Variants in ODAD2 observed in about 807,000 individuals in gnomAD.
The protein encoded by ODAD2 is outer dynein arm-docking complex subunit 2.
A neutral mutation model predicts 106.8 loss-of-function variants in ODAD2; 89 were observed. That is an observed-to-expected ratio of 0.83 (90% CI 0.70 to 0.99). ODAD2 has a LOEUF of 0.99. ODAD2 is among the 50% of genes least tolerant of loss of function. The pLI, the probability that ODAD2 is intolerant of heterozygous loss-of-function variation, is 0.00. For missense variants in ODAD2, 1,168 were observed against 1,238.5 expected, an observed-to-expected ratio of 0.94 and a Z score of 0.85; for synonymous variants, 404 against 436.2, an observed-to-expected ratio of 0.93 and a Z score of 0.92.
At chr10:27,946,139 A>C (rs1426189813) in intron 10 of ODAD2, among the ~76,000 whole-genome samples, 1 of 148,322 alleles carries the variant, frequency 6.7e-6, no homozygotes, top group Non-Finnish European at 1.5e-5. Context: ...TGTATTTTTA[A>C]ATATATAAAA....
rs188843306 is a variant in ODAD2, at chr10:27,892,474, G to A, written c.2610+15189C>T. On this transcript the variant is annotated intron_variant, in intron 17 of 19. Transcript: ENST00000305242. Reference sequence around the variant, plus strand: ...AAAACAGACTCTCATTTCACACTCCGATTTTCCTATCAGATAATGAATGGA... The same window carrying A: ...AAAACAGACTCTCATTTCACACTCCAATTTTCCTATCAGATAATGAATGGA... Among the ~76,000 whole-genome samples the A allele has an allele frequency of 4.4e-3, 664 of 152,154 alleles. 20 individuals carry two copies. Among genetic ancestry groups the A allele is most frequent in the Admixed American group, 0.041 (622 of 15,280 alleles).
chr10:27,868,811 T>C (rs938107303), intron 17 of ODAD2, among the ~76,000 whole-genome samples: 2 of 151,844 alleles, frequency 1.3e-5, no homozygotes, highest in African/African-American at 4.8e-5. Flanking sequence ...CTGCACATTC[T>C]GCACATGTAT....
chr10:27,849,852 G>A (rs142349917), intron 19 of ODAD2, among the ~76,000 whole-genome samples: 33 of 152,250 alleles, frequency 2.2e-4, no homozygotes, highest in East Asian at 1.5e-3. Context: ...TTTTAAAGTC[G>A]CAAAAGCTAC....
intron 9 of ODAD2, among the ~76,000 whole-genome samples, chr10:27,963,747 G>A (rs1246853174): frequency 6.6e-6 from 1 of 151,846 alleles, no homozygotes; most frequent in African/African-American, 2.4e-5. Context: ...CACTCCAATA[G>A]AGGTTATCAT....
intron 19 of ODAD2, among the ~76,000 whole-genome samples, chr10:27,841,006 G>A (rs1838267818): frequency 6.6e-6 from 1 of 152,284 alleles, no homozygotes; most frequent in Non-Finnish European, 1.5e-5. Flanking sequence ...CATAGGCCAC[G>A]GGTGAATGCT....
chr10:27,872,380 T>A (rs1365461491), intron 17 of ODAD2, among the ~76,000 whole-genome samples: 3 of 151,962 alleles, frequency 2.0e-5, no homozygotes, highest in Non-Finnish European at 4.4e-5. Context: ...TGGCCAGAAC[T>A]TCCAACACTA....
At chr10:27,997,338 C>T (rs1408383345) in intron 1 of ODAD2, among the ~76,000 whole-genome samples, 2 of 152,106 alleles carry the variant, frequency 1.3e-5, no homozygotes, top group African/African-American at 2.4e-5. Flanking sequence ...ATAGCTTTAT[C>T]TTATACAGAA....
At chr10:27,865,303 A>C (rs561237364) in intron 17 of ODAD2, among the ~76,000 whole-genome samples, 1 of 152,286 alleles carries the variant, frequency 6.6e-6, no homozygotes, top group Middle Eastern at 3.4e-3. Context: ...AAATATTTGT[A>C]TTTTTAAAAA....
At chr10:27,917,142 A>T (rs1041163967) in intron 16 of ODAD2, among the ~76,000 whole-genome samples, 6 of 152,196 alleles carry the variant, frequency 3.9e-5, no homozygotes, top group Admixed American at 1.3e-4. Context: ...CAGCTGAGTC[A>T]TAAAGCCTAA....
intron 19 of ODAD2, among the ~76,000 whole-genome samples, chr10:27,835,175 A>G (rs574696262): frequency 6.6e-6 from 1 of 152,292 alleles, no homozygotes; most frequent in East Asian, 1.9e-4. Flanking sequence ...CCTGCCACAG[A>G]CACAGGACCC....
At chr10:27,860,072 A>G (rs1839931957) in intron 19 of ODAD2, among the ~76,000 whole-genome samples, 1 of 152,214 alleles carries the variant, frequency 6.6e-6, no homozygotes, top group Admixed American at 6.5e-5. Flanking sequence ...AAATCAAATT[A>G]TGGAATGATT....
chr10:27,902,938 A>G (rs1589972031), intron 17 of ODAD2, among the ~76,000 whole-genome samples: 1 of 152,134 alleles, frequency 6.6e-6, no homozygotes, highest in African/African-American at 2.4e-5. Flanking sequence ...CTCCTCCCTT[A>G]CTCATTTTAT....
chr10:27,981,428 TA>T (rs1199891180), intron 7 of ODAD2, 37 bp downstream of exon 7: 1 of 1,447,356 alleles, frequency 6.9e-7, no homozygotes, highest in East Asian at 2.7e-5. Context: ...TTTAGTAACA[TA>T]ATGCTATGAA....
intron 16 of ODAD2, among the ~76,000 whole-genome samples, chr10:27,915,449 A>G (rs946953607): frequency 2.7e-4 from 41 of 152,088 alleles, no homozygotes; most frequent in Admixed American, 5.2e-4. Flanking sequence ...GGACTCTTTT[A>G]AAAGGGCATT....
intron 19 of ODAD2, among the ~76,000 whole-genome samples, chr10:27,820,557 T>C (rs1237836290): frequency 6.6e-6 from 1 of 151,988 alleles, no homozygotes; most frequent in African/African-American, 2.4e-5. Flanking sequence ...AGAAGAAAAC[T>C]TTTAATCTAA....
chr10:27,988,451 C>G (rs1328103355), intron 2 of ODAD2, among the ~76,000 whole-genome samples: 1 of 151,480 alleles, frequency 6.6e-6, no homozygotes, highest in East Asian at 2.0e-4. Context: ...AATCCTCCCA[C>G]CTCAGCCCCC....
At chr10:27,866,748 G>A (rs976420102) in intron 17 of ODAD2, among the ~76,000 whole-genome samples, 6 of 152,060 alleles carry the variant, frequency 3.9e-5, no homozygotes, top group African/African-American at 1.2e-4. Flanking sequence ...TTAACAATCA[G>A]TTCTGGTGGG....
chr10:27,929,150 C>A (rs1425260606), intron 16 of ODAD2, among the ~76,000 whole-genome samples: 2 of 152,062 alleles, frequency 1.3e-5, no homozygotes, highest in Admixed American at 6.6e-5. Context: ...TAACAAATGA[C>A]CCCAAAATCC....
intron 16 of ODAD2, among the ~76,000 whole-genome samples, chr10:27,926,309 C>G (rs986599545): frequency 6.6e-6 from 1 of 151,656 alleles, no homozygotes; most frequent in African/African-American, 2.4e-5. Flanking sequence ...TAAGAGAATT[C>G]TGTAAAGTAG....
Sources: allele counts gnomAD v4.1 joint callset (sites outside exome capture counted in the v4.1 genomes callset), GRCh38; gene constraint gnomAD v4.1.1; transcripts MANE v1.5; gene names NCBI Gene and HGNC (gene_info 2026-07-23, HGNC 2026-07-21).